The following ADGRL3 variants were observed in gnomAD, a reference collection of about 807,000 sequenced individuals.
ADGRL3 encodes calcium-independent alpha-latrotoxin receptor 3.
In ADGRL3, 62 loss-of-function variants were observed where a neutral mutation model predicts 153.5. The ratio of observed to expected loss-of-function variants is 0.40; its 90% CI spans 0.33 to 0.50. ADGRL3 has a LOEUF of 0.50. ADGRL3 is among the 20% of genes least tolerant of loss of function. The probability of loss-of-function intolerance (pLI) is 0.47; values close to 1 mark genes in which losing one functional copy is unlikely to be tolerated. For synonymous variants in ADGRL3, 710 were observed against 672.5 expected, an observed-to-expected ratio of 1.06 and a Z score of -0.86; for missense variants, 1,641 against 1,859.4, an observed-to-expected ratio of 0.88 and a Z score of 2.16.
chr4:61,353,187 G>C (rs2096086022), intron 1 of ADGRL3, among the ~76,000 whole-genome samples: 1 of 152,014 alleles, frequency 6.6e-6, no homozygotes, highest in Non-Finnish European at 1.5e-5. Flanking sequence ...AAATAAGTCT[G>C]TATTTTTACA....
At chr4:61,868,124 GT>G (rs2098414458) in intron 9 of ADGRL3, among the ~76,000 whole-genome samples, 2 of 151,966 alleles carry the variant, frequency 1.3e-5, no homozygotes, top group South Asian at 4.2e-4. Flanking sequence ...ATATGTGTGT[GT>G]TTTCTTTTGT....
intron 9 of ADGRL3, among the ~76,000 whole-genome samples, chr4:61,856,641 A>T (rs1327258342): frequency 2.6e-5 from 2 of 75,666 alleles, no homozygotes; most frequent in Admixed American, 2.3e-4. Flanking sequence ...TTTGCGATGG[A>T]GTCTTGCTCT....
chr4:61,986,578 C>T (rs2099086242), intron 19 of ADGRL3, among the ~76,000 whole-genome samples: 1 of 152,074 alleles, frequency 6.6e-6, no homozygotes, highest in Non-Finnish European at 1.5e-5. Flanking sequence ...AATTTATTTC[C>T]CAGACACTGA....
At chr4:61,383,538 T>C (rs1198064747) in intron 2 of ADGRL3, among the ~76,000 whole-genome samples, 1 of 151,820 alleles carries the variant, frequency 6.6e-6, no homozygotes, top group Non-Finnish European at 1.5e-5. Flanking sequence ...ATTACTTTCT[T>C]AACTAATGTA....
At chr4:61,837,067 A>G (rs1405177684) in intron 9 of ADGRL3, among the ~76,000 whole-genome samples, 1 of 152,114 alleles carries the variant, frequency 6.6e-6, no homozygotes, top group Non-Finnish European at 1.5e-5. Context: ...CATTATAGAA[A>G]TGAAAGGCTG....
chr4:61,627,197 A>G lies in ADGRL3; in HGVS notation c.473+39757A>G, dbSNP rs111249749. ...ATTTTGAACCTTTACTTGATCTTAT[A>G]TTAATTTTCCCTTATTTAAAATTTG... On this transcript the variant is annotated intron_variant, in intron 5 of 26. Coordinates refer to ENST00000683033, the MANE Select transcript of ADGRL3 (RefSeq NM_001387552.1). Among the ~76,000 whole-genome samples the G allele has an allele frequency of 3.3e-4, 50 of 152,238 alleles. 2 individuals carry two copies. The highest frequency in any genetic ancestry group is 1.2e-3 in the African/African-American group (49 of 41,544).
intron 1 of ADGRL3, among the ~76,000 whole-genome samples, chr4:61,273,572 GAAAA>G (rs2093312064): frequency 6.6e-6 from 1 of 151,672 alleles, no homozygotes; most frequent in Non-Finnish European, 1.5e-5. Flanking sequence ...AAAAGAAAAA[GAAAA>G]AAGAAGAAGT....
intron 8 of ADGRL3, among the ~76,000 whole-genome samples, chr4:61,754,570 G>A (rs1314712650): frequency 6.6e-6 from 1 of 151,690 alleles, no homozygotes; most frequent in African/African-American, 2.4e-5. Context: ...ACCACCCAAT[G>A]GGTTCACCTT....
At chr4:62,040,927 T>C (rs1727924524) in intron 24 of ADGRL3, among the ~76,000 whole-genome samples, 1 of 152,014 alleles carries the variant, frequency 6.6e-6, no homozygotes, top group Non-Finnish European at 1.5e-5. Context: ...AACAGAATTC[T>C]AAGTGAGAAA....
At chr4:61,605,131 A>C (rs1362866519) in intron 5 of ADGRL3, among the ~76,000 whole-genome samples, 1 of 150,274 alleles carries the variant, frequency 6.7e-6, no homozygotes, top group Non-Finnish European at 1.5e-5. Context: ...GAAAAAAAAA[A>C]CTAAAAAGTA....
rs189206972 is a variant in ADGRL3, at chr4:61,731,248, T to G, written c.598+612T>G. 3.4e-3 allele frequency among the ~76,000 whole-genome samples: 524 copies of G among 152,166 alleles called. 2 individuals are homozygous for G. The highest frequency in any genetic ancestry group is 0.012 in the African/African-American group (499 of 41,558). ...CCCAAACTTGTTATTTCTCTAAAAG[T>G]AAAACTTTGGGCATTTTAGTAATGT... is the stretch of plus-strand genomic sequence containing the variant. On this transcript the variant is annotated intron_variant, in intron 7 of 26. Transcript: ENST00000683033.
chr4:61,846,336 A>G (rs566675820), intron 9 of ADGRL3, among the ~76,000 whole-genome samples: 26 of 152,224 alleles, frequency 1.7e-4, no homozygotes, highest in African/African-American at 5.5e-4. Context: ...AAAAATTCAT[A>G]AAGTACTTTT....
intron 1 of ADGRL3, among the ~76,000 whole-genome samples, chr4:61,212,758 A>G (rs1479001622): frequency 1.3e-5 from 2 of 152,244 alleles, no homozygotes; most frequent in African/African-American, 4.8e-5. Context: ...AGGCCTAATT[A>G]GCAGAAATCT....
intron 1 of ADGRL3, among the ~76,000 whole-genome samples, chr4:61,246,119 T>C (rs1319822988): frequency 6.6e-6 from 1 of 152,028 alleles, no homozygotes; most frequent in Non-Finnish European, 1.5e-5. Context: ...ACAACTCTTT[T>C]CAGATCTCAT....
intron 4 of ADGRL3, among the ~76,000 whole-genome samples, chr4:61,552,522 G>A (rs2148829486): frequency 6.6e-6 from 1 of 152,188 alleles, no homozygotes; most frequent in African/African-American, 2.4e-5. Context: ...GGAGTGCAGT[G>A]GTACAATGAC....
chr4:61,892,765 A>G lies in ADGRL3; in HGVS notation c.1590A>G (p.Arg530=). ...GTACCACCCCGTCAGTGTCAGGAAG[A>G]AGAAACCGGAGTACTAGTACCCCAT... ...GRSTTPSVSG[R]RNRSTSTPSP... Residue 530 remains arginine (R), a synonymous_variant, in exon 10 of 27, where the codon AGA becomes AGG. Coordinates refer to ENST00000683033, the MANE Select transcript of ADGRL3 (RefSeq NM_001387552.1). The G allele has an allele frequency of 6.2e-7, 1 of 1,613,886 alleles. No individual in the cohort carries two copies. The highest frequency in any genetic ancestry group is 8.5e-7 in the Non-Finnish European group (1 of 1,179,854).
At chr4:61,524,955 G>A (rs1235526944) in intron 4 of ADGRL3, among the ~76,000 whole-genome samples, 1 of 152,020 alleles carries the variant, frequency 6.6e-6, no homozygotes, top group African/African-American at 2.4e-5. Context: ...GATTATAAAC[G>A]TTTGGGAGAG....
At chr4:61,911,786 A>G (rs2098723115) in intron 12 of ADGRL3, among the ~76,000 whole-genome samples, 1 of 152,138 alleles carries the variant, frequency 6.6e-6, no homozygotes, top group Non-Finnish European at 1.5e-5. Flanking sequence ...CATCTGGGTA[A>G]CTGCTTCTTA....
intron 1 of ADGRL3, among the ~76,000 whole-genome samples, chr4:61,380,257 C>T (rs903720549): frequency 1.3e-3 from 198 of 151,934 alleles, no homozygotes; most frequent in African/African-American, 4.5e-3. Context: ...ACTTACTGCT[C>T]CACAACTGGA....
Sources: allele counts gnomAD v4.1 joint callset (sites outside exome capture counted in the v4.1 genomes callset), GRCh38; gene constraint gnomAD v4.1.1; transcripts MANE v1.5; gene names NCBI Gene and HGNC (gene_info 2026-07-23, HGNC 2026-07-21).